UPF2: variants seen among roughly 807,000 people sequenced by gnomAD.
UPF2 encodes regulator of nonsense transcripts 2.
UPF2 carries 17 observed loss-of-function variants against 141.4 expected under a neutral mutation model. That is an observed-to-expected ratio of 0.12 (90% CI 0.08 to 0.18). The LOEUF (loss-of-function observed/expected upper bound fraction) is 0.18, where lower values mean the gene tolerates loss of function less well. UPF2 is among the 10% of genes least tolerant of loss of function. UPF2 has a pLI of 1.00. For missense variants in UPF2, 1,152 were observed against 1,515.9 expected (o/e 0.76, Z 3.99); for synonymous variants, 540 against 498.0 (o/e 1.08, Z -1.12).
chr10:11,990,180 A>T lies in UPF2; in HGVS notation c.1844+7492T>A, dbSNP rs74116808. On this transcript the variant is annotated intron_variant, in intron 8 of 21. Transcript: ENST00000357604. ...GGGAAAGCTGGCCCAAACAGGGCAGATCTTCAAATATGCCATCAACATGCT... is the reference window on the plus strand; with the variant it reads ...GGGAAAGCTGGCCCAAACAGGGCAGTTCTTCAAATATGCCATCAACATGCT... 9.7e-3 allele frequency among the ~76,000 whole-genome samples: 1,485 copies of T among 152,354 alleles called. 22 individuals carry two copies. The highest frequency in any genetic ancestry group is 0.034 in the African/African-American group (1,393 of 41,578).
chr10:11,981,062 G>A (rs1051165542), intron 8 of UPF2, among the ~76,000 whole-genome samples: 2 of 152,032 alleles, frequency 1.3e-5, no homozygotes, highest in African/African-American at 4.8e-5. Flanking sequence ...GGTGGCACCT[G>A]CCTGTAATCC....
chr10:11,967,050 C>T (rs529132822), intron 10 of UPF2, among the ~76,000 whole-genome samples: 1 of 152,246 alleles, frequency 6.6e-6, no homozygotes, highest in African/African-American at 2.4e-5. Context: ...AAGGGTGACT[C>T]TGTTGTAGAT....
intron 15 of UPF2, among the ~76,000 whole-genome samples, chr10:11,951,649 C>T (rs1025047145): frequency 1.1e-4 from 17 of 152,188 alleles, no homozygotes; most frequent in African/African-American, 3.9e-4. Context: ...GAGTTCCAAA[C>T]TTCTGACAGG....
intron 4 of UPF2, among the ~76,000 whole-genome samples, chr10:12,010,770 C>T (rs1404052323): frequency 6.6e-6 from 1 of 152,014 alleles, no homozygotes; most frequent in Non-Finnish European, 1.5e-5. Flanking sequence ...AAGAAAACCA[C>T]ACCAAGCTAC....
chr10:11,938,842 GTTTTTTTTTTGTTTTTTTTTTTTTTT>G (rs1832888136), intron 18 of UPF2, among the ~76,000 whole-genome samples: 1 of 45,862 alleles, frequency 2.2e-5, no homozygotes, highest in South Asian at 6.0e-4. Flanking sequence ...TCTTAAGCAA[GTTTTTTTTTTGTTTTTTTTTTTTTTT>G]TTTTTTTTTT....
chr10:12,021,939 A>G (rs1055126456), intron 3 of UPF2, among the ~76,000 whole-genome samples: 8 of 152,184 alleles, frequency 5.3e-5, no homozygotes, highest in Non-Finnish European at 1.0e-4. Flanking sequence ...TGAGGTCAGG[A>G]AACCAGCCTG....
At chr10:12,008,127 C>T (rs1834066097) in intron 4 of UPF2, among the ~76,000 whole-genome samples, 2 of 151,878 alleles carry the variant, frequency 1.3e-5, no homozygotes, top group Non-Finnish European at 2.9e-5. Context: ...AAGTGCTCCA[C>T]TCACCTCAGC....
chr10:11,949,388 T>C (rs191600980), intron 15 of UPF2, among the ~76,000 whole-genome samples: 24 of 152,370 alleles, frequency 1.6e-4, no homozygotes, highest in South Asian at 1.0e-3. Flanking sequence ...ACTCTTCATG[T>C]TCAGTTTCAG....
At chr10:11,937,121 C>T (rs1832862368) in intron 18 of UPF2, among the ~76,000 whole-genome samples, 1 of 152,232 alleles carries the variant, frequency 6.6e-6, no homozygotes, top group South Asian at 2.1e-4. Context: ...CAGGGCTCCC[C>T]AGCAGGGCGT....
Position 11,979,698 on chromosome 10 carries a change from A to T in UPF2, c.1845-533T>A, listed in dbSNP as rs1337925914. 1.3e-5 allele frequency among the ~76,000 whole-genome samples: 2 copies of T among 152,188 alleles called. No individual in the cohort carries two copies. Among genetic ancestry groups the T allele is most frequent in the African/African-American group, 4.8e-5 (2 of 41,448 alleles). The stretch of plus-strand genomic sequence containing the variant: ...GAGGCAGGCAGATCATGAGGTAAAG[A>T]GATCAAGACTATCCTGGCTAACACG... On this transcript the variant is annotated intron_variant, in intron 8 of 21. Transcript: ENST00000357604. The surrounding 1 kb of genome is among the most constrained non-coding windows in gnomAD (Gnocchi z 6.2).
Position 11,978,808 on chromosome 10 carries a change from A to G in UPF2, c.1953+249T>C, listed in dbSNP as rs534235470. ...AGAATGATTTCTACCTTAGAAAAGCAAAAAGTGCTGTTCCCGCAATGGGGG... is the reference window on the plus strand; with the variant it reads ...AGAATGATTTCTACCTTAGAAAAGCGAAAAGTGCTGTTCCCGCAATGGGGG... On this transcript the variant is annotated intron_variant, in intron 9 of 21. Transcript: ENST00000357604. Among the ~76,000 whole-genome samples, 8 of 152,314 alleles carry G rather than the reference A, an allele frequency of 5.3e-5. No homozygotes were observed. In the East Asian group the frequency reaches 1.5e-3, roughly 29 times the overall value.
intron 8 of UPF2, 40 bp downstream of exon 8, chr10:11,997,632 G>A: frequency 6.3e-7 from 1 of 1,577,212 alleles, no homozygotes; most frequent in Non-Finnish European, 8.7e-7. Flanking sequence ...CAGCACTACA[G>A]AGTAAAAACA....
rs1184966949 is a variant in UPF2 at position 12,019,198 on chromosome 10, T to G, written c.1146-5014A>C. 6.6e-6 allele frequency among the ~76,000 whole-genome samples: 1 copy of G among 152,238 alleles called. No individual in the cohort carries two copies. The highest frequency in any genetic ancestry group is 1.5e-5 in the Non-Finnish European group (1 of 68,040). On this transcript the variant is annotated intron_variant, in intron 3 of 21. Transcript: ENST00000357604. This position sits in a 1 kb window ranked among gnomAD's most constrained non-coding sequence, Gnocchi z 4.5. ...TGTAAAGGGCCATACAATACATATT[T>G]CAGTCTCTGCAGACCATTTGGTCTT...
At position 11,953,654 on chromosome 10, in the gene UPF2, G is replaced by A. The variant is rs1234572639; in HGVS notation, c.2851-1405C>T. ...TGAGAGAGATTCTACTTTGGATGCT[G>A]TTATAGCTGCCATTTTGCAGCAAAA... On this transcript the variant is annotated intron_variant, in intron 14 of 21. Transcript: ENST00000357604. The surrounding 1 kb of genome is among the most constrained non-coding windows in gnomAD (Gnocchi z 5.0). Among the ~76,000 whole-genome samples the A allele has an allele frequency of 1.3e-5, 2 of 152,222 alleles. No individual in the cohort carries two copies. The highest frequency in any genetic ancestry group is 4.8e-5 in the African/African-American group (2 of 41,452).
chr10:11,991,097 A>G (rs1002807284), intron 8 of UPF2, among the ~76,000 whole-genome samples: 5 of 152,168 alleles, frequency 3.3e-5, no homozygotes, highest in African/African-American at 1.2e-4. Flanking sequence ...AGGTACTGTC[A>G]ATTTTTTTAA....
intron 3 of UPF2, among the ~76,000 whole-genome samples, chr10:12,024,331 T>C (rs572744907): frequency 8.6e-5 from 13 of 151,516 alleles, no homozygotes; most frequent in African/African-American, 3.2e-4. Context: ...GGATGGGGGG[T>C]GGGCACAGTG....
chr10:12,034,326 TA>T (rs1271788925), intron 2 of UPF2, among the ~76,000 whole-genome samples: 278 of 149,192 alleles, frequency 1.9e-3, no homozygotes, highest in African/African-American at 5.9e-3. Flanking sequence ...TTTATTATTT[TA>T]TTTTTTTTTT....
intron 21 of UPF2, among the ~76,000 whole-genome samples, chr10:11,924,352 C>T (rs1167006426): frequency 1.3e-5 from 2 of 152,158 alleles, no homozygotes; most frequent in Non-Finnish European, 2.9e-5. Flanking sequence ...TCCAGGCAGG[C>T]AGATCACCTG....
rs1452233464 is a variant in UPF2, at chr10:12,014,098, G to A, written c.1232C>T (p.Ala411Val). The A allele has an allele frequency of 1.3e-6, 2 of 1,599,076 alleles. No individual in the cohort carries two copies. Among genetic ancestry groups the A allele is most frequent in the Admixed American group, 1.7e-5 (1 of 58,126 alleles). Reference protein sequence around the residue: ...EFAMSYQKLLANSQSLADLLD... With the variant: ...EFAMSYQKLLVNSQSLADLLD... ...AAGGTCTGCTAAGGATTGAGAATTT[G>A]CCAGCAGCTTCTGGTAAGACATAGC... Residue 411 changes from alanine (A) to valine (V), a missense_variant, in exon 4 of 22, where the codon GCA becomes GTA. By Grantham distance (64) the Ala-to-Val change is moderately conservative (BLOSUM62 0). Coordinates refer to ENST00000357604, the MANE Select transcript of UPF2 (RefSeq NM_015542.4). The surrounding 1 kb of genome is among the most constrained non-coding windows in gnomAD (Gnocchi z 5.0).
Sources: allele counts gnomAD v4.1 joint callset (sites outside exome capture counted in the v4.1 genomes callset), GRCh38; gene constraint gnomAD v4.1.1; non-coding constraint Gnocchi (gnomAD v3.1); transcripts MANE v1.5; gene names NCBI Gene and HGNC (gene_info 2026-07-23, HGNC 2026-07-21).